Variants in NEB observed in about 807,000 individuals in gnomAD.
NEB encodes nebulin.
Under a neutral mutation model 952.2 loss-of-function variants are expected in NEB, and 512 were observed. That is an observed-to-expected ratio of 0.54 (90% CI 0.50 to 0.58). The LOEUF is 0.58. NEB is among the 20% of genes least tolerant of loss of function. The probability of loss-of-function intolerance (pLI) is 0.00; values close to 1 mark genes in which losing one functional copy is unlikely to be tolerated. For missense variants in NEB, 8,428 were observed against 9,231.1 expected (o/e 0.91, Z 3.56); for synonymous variants, 2,900 against 3,149.8 (o/e 0.92, Z 2.66).
intron 40 of NEB, among the ~76,000 whole-genome samples, 200 bp downstream of exon 40, chr2:151,667,604 T>C (rs1022892718): frequency 6.6e-6 from 1 of 152,130 alleles, no homozygotes; most frequent in Non-Finnish European, 1.5e-5. Flanking sequence ...CACAGCTCAC[T>C]GCAGCTTCAA....
At chr2:151,712,774 G>A (rs547922604) in intron 10 of NEB, among the ~76,000 whole-genome samples, 1 of 152,132 alleles carries the variant, frequency 6.6e-6, no homozygotes, top group South Asian at 2.1e-4. Flanking sequence ...CCAGCGAAGG[G>A]GTCCCACTCT....
intron 143 of NEB, 68 bp from the exon 144 acceptor site, chr2:151,531,964 C>T: frequency 1.1e-6 from 1 of 897,130 alleles, no homozygotes; most frequent in Non-Finnish European, 1.8e-6. Flanking sequence ...TCTAATTGTC[C>T]TCTTGAAACA....
chr2:151,491,859 C>T (rs2056862370), intron 178 of NEB, 84 bp from the exon 179 acceptor site: 1 of 1,164,026 alleles, frequency 8.6e-7, no homozygotes, highest in Non-Finnish European at 1.2e-6. Flanking sequence ...TTAACAACCA[C>T]CAAAGGATTG....
chr2:151,617,283 G>A (rs975772252), intron 75 of NEB, 81 bp downstream of exon 75: 4 of 942,392 alleles, frequency 4.2e-6, no homozygotes, highest in Non-Finnish European at 3.2e-6. Context: ...TAGTAAATTA[G>A]TCAAAACCTT....
At chr2:151,515,802 T>C (rs1289437641) in intron 157 of NEB, among the ~76,000 whole-genome samples, 1 of 152,248 alleles carries the variant, frequency 6.6e-6, no homozygotes, top group Non-Finnish European at 1.5e-5. Flanking sequence ...TTTGATGACC[T>C]GACATTCTAT....
intron 55 of NEB, among the ~76,000 whole-genome samples, chr2:151,645,207 T>C (rs1051277107): frequency 6.6e-6 from 1 of 152,180 alleles, no homozygotes; most frequent in Non-Finnish European, 1.5e-5. Context: ...TGAGGTGCTG[T>C]TTTTCAATTC....
intron 77 of NEB, 98 bp from the exon 78 acceptor site, chr2:151,612,487 C>G (rs761712221): frequency 8.4e-7 from 1 of 1,184,118 alleles, no homozygotes; most frequent in Non-Finnish European, 1.2e-6. Context: ...TAGTCTGAAT[C>G]TTATTTGTGT....
chr2:151,530,777 C>G, intron 145 of NEB: 1 of 404,890 alleles, frequency 2.5e-6, no homozygotes, highest in South Asian at 6.4e-5. Context: ...CCTGGCTTGA[C>G]TGAGCCCCAG....
chr2:151,639,797 T>C, intron 62 of NEB, 60 bp downstream of exon 62: 1 of 1,393,894 alleles, frequency 7.2e-7, no homozygotes, highest in Non-Finnish European at 9.8e-7. Flanking sequence ...TCATTAATGT[T>C]TCTTTTTTGT....
At chr2:151,615,162 C>A (rs2098150002) in intron 76 of NEB, among the ~76,000 whole-genome samples, 1 of 152,178 alleles carries the variant, frequency 6.6e-6, no homozygotes, top group Admixed American at 6.5e-5. Context: ...ATGGTCCATT[C>A]TACCATGGTG....
At position 151,671,325 on chromosome 2, in the gene NEB, A is replaced by G. The variant is rs142728108; in HGVS notation, c.4300-96T>C. 855 of 949,708 alleles carry G rather than the reference A, an allele frequency of 9.0e-4. 7 individuals carry two copies. In the African/African-American group the frequency reaches 0.013, roughly 14 times the overall value. 58.8% of individuals were successfully genotyped at this position (949,708 alleles called of 1,614,324 possible). A position where few individuals can be genotyped will look rare whatever the true frequency, so the allele number is the denominator to read the frequency against. The stretch of plus-strand genomic sequence containing the variant: ...TTCTATCCAAGGGAAATGAATAGCA[A>G]CTCTTCAGCATGCTCATGTCTGACT... On this transcript the variant is annotated intron_variant, in intron 37 of 181. Transcript: ENST00000397345.
Position 151,547,493 on chromosome 2 carries a change from A to G in NEB, c.20303T>C (p.Met6768Thr). The change falls in exon 133 of 182, where the codon ATG (methionine) becomes ACG (threonine). Residue 6768 changes from methionine (M) to threonine (T), a missense_variant. By Grantham distance (81) the Met-to-Thr change is moderately conservative. Coordinates refer to ENST00000397345, the MANE Select transcript of NEB (RefSeq NM_001164508.2). ...TTGGGGTGTGTATGGCAGAGAGATC[A>G]TGTGGCCCTGCATCTTGAAGAAGTC... ...KSDFFKMQGH[M>T]ISLPYTPQVI... The G allele has an allele frequency of 1.2e-6, 2 of 1,607,898 alleles. No individual in the cohort carries two copies. Among genetic ancestry groups the G allele is most frequent in the Non-Finnish European group, 1.7e-6 (2 of 1,177,202 alleles).
intron 13 of NEB, among the ~76,000 whole-genome samples, chr2:151,701,808 A>G (rs1262598362): frequency 6.7e-6 from 1 of 149,960 alleles, no homozygotes; most frequent in Non-Finnish European, 1.5e-5. Context: ...GATCCTTTCA[A>G]AAAACCAGCT....
intron 10 of NEB, among the ~76,000 whole-genome samples, chr2:151,712,750 T>C (rs1040034914): frequency 2.0e-5 from 3 of 152,120 alleles, no homozygotes; most frequent in East Asian, 3.9e-4. Context: ...TGTGTCCATG[T>C]GGGACCCTCT....
At chr2:151,710,597 G>A in intron 10 of NEB, 59 bp from the exon 11 acceptor site, 1 of 1,004,224 alleles carries the variant, frequency 1.0e-6, no homozygotes, top group South Asian at 1.8e-5. Flanking sequence ...AAATAAGACA[G>A]CAAATTAAGA....
At chr2:151,558,662 T>C (rs1054557005) in intron 124 of NEB, among the ~76,000 whole-genome samples, 5 of 152,214 alleles carry the variant, frequency 3.3e-5, no homozygotes, top group African/African-American at 7.2e-5. Flanking sequence ...TACAATCATC[T>C]GATCTTTGAC....
intron 46 of NEB, 67 bp downstream of exon 46, chr2:151,662,068 A>G: frequency 7.1e-7 from 1 of 1,402,412 alleles, no homozygotes; most frequent in Non-Finnish European, 9.8e-7. Context: ...AAACCTGTGG[A>G]TTAAATGTAA....
intron 9 of NEB, among the ~76,000 whole-genome samples, chr2:151,717,862 T>TC (rs1302384394): frequency 6.6e-6 from 1 of 151,232 alleles, no homozygotes; most frequent in East Asian, 1.9e-4. Flanking sequence ...GTTCTTTTTT[T>TC]TTTTTTTTTG....
intron 116 of NEB, 42 bp from the exon 117 acceptor site, chr2:151,565,190 A>G (rs2096298381): frequency 9.7e-7 from 1 of 1,035,654 alleles, no homozygotes; most frequent in South Asian, 1.6e-5. Flanking sequence ...ATAAATGAAT[A>G]TTAAATTTTT....
Sources: allele counts gnomAD v4.1 joint callset (sites outside exome capture counted in the v4.1 genomes callset), GRCh38; gene constraint gnomAD v4.1.1; transcripts MANE v1.5; gene names NCBI Gene and HGNC (gene_info 2026-07-23, HGNC 2026-07-21).